Variants in COL19A1 observed in about 807,000 individuals in gnomAD.
COL19A1 encodes collagen type XIX alpha 1 chain, also known as collagen alpha-1(XIX) chain.
A neutral mutation model predicts 190.2 loss-of-function variants in COL19A1; 159 were observed. That is an observed-to-expected ratio of 0.84 (90% CI 0.73 to 0.95). The LOEUF (loss-of-function observed/expected upper bound fraction) is 0.95, where lower values mean the gene tolerates loss of function less well. COL19A1 is among the 40% of genes least tolerant of loss of function. The pLI, the probability that COL19A1 is intolerant of heterozygous loss-of-function variation, is 0.00. For missense variants in COL19A1, 1,418 were observed against 1,431.9 expected, an observed-to-expected ratio of 0.99 and a Z score of 0.16; for synonymous variants, 509 against 458.9, an observed-to-expected ratio of 1.11 and a Z score of -1.39.
chr6:70,111,417 T>A (rs1406370845), intron 16 of COL19A1, among the ~76,000 whole-genome samples: 2 of 152,194 alleles, frequency 1.3e-5, no homozygotes, highest in Non-Finnish European at 2.9e-5. Flanking sequence ...ATGTCTGTAA[T>A]GAATTCATTA....
chr6:69,994,625 A>G (rs1776799061), intron 11 of COL19A1, among the ~76,000 whole-genome samples: 1 of 152,180 alleles, frequency 6.6e-6, no homozygotes, highest in Non-Finnish European at 1.5e-5. Context: ...TATTGCAGAC[A>G]TTGCTATAAT....
At chr6:70,101,141 A>C (rs1783606328) in intron 15 of COL19A1, among the ~76,000 whole-genome samples, 2 of 152,108 alleles carry the variant, frequency 1.3e-5, no homozygotes, top group African/African-American at 4.8e-5. Flanking sequence ...GATCAACCTA[A>C]TATCTTTACT....
chr6:70,206,832 G>A, intron 49 of COL19A1, 69 bp from the exon 50 acceptor site: 1 of 1,319,196 alleles, frequency 7.6e-7, no homozygotes, highest in Non-Finnish European at 1.1e-6. Flanking sequence ...TCAGAAAATG[G>A]TTCTTCTCTG....
intron 47 of COL19A1, among the ~76,000 whole-genome samples, chr6:70,189,270 G>A (rs1164573078): frequency 6.6e-6 from 1 of 152,148 alleles, no homozygotes; most frequent in Non-Finnish European, 1.5e-5. Flanking sequence ...GGAATTTTCA[G>A]TGAAGAGCGA....
intron 11 of COL19A1, among the ~76,000 whole-genome samples, chr6:69,997,026 T>TAGAG (rs1554186399): frequency 7.5e-5 from 11 of 146,902 alleles, no homozygotes; most frequent in South Asian, 2.1e-4. Flanking sequence ...TATATATATA[T>TAGAG]AGAGAGAGAG....
intron 2 of COL19A1, among the ~76,000 whole-genome samples, chr6:69,883,821 A>C (rs755584335): frequency 7.9e-5 from 12 of 152,210 alleles, no homozygotes; most frequent in African/African-American, 2.4e-4. Flanking sequence ...GAGTATTAGC[A>C]GTATACACAG....
intron 17 of COL19A1, among the ~76,000 whole-genome samples, chr6:70,126,931 A>G (rs1328116244): frequency 6.6e-6 from 1 of 152,220 alleles, no homozygotes; most frequent in Non-Finnish European, 1.5e-5. Flanking sequence ...GTACCTTTTA[A>G]GTTTTCTATC....
At chr6:69,868,260 T>A (rs1486134276) in intron 1 of COL19A1, among the ~76,000 whole-genome samples, 1 of 151,304 alleles carries the variant, frequency 6.6e-6, no homozygotes, top group Non-Finnish European at 1.5e-5. Flanking sequence ...CATCTCCTTG[T>A]TTTTGAGTGG....
intron 16 of COL19A1, among the ~76,000 whole-genome samples, chr6:70,111,751 C>T (rs1784298238): frequency 6.6e-6 from 1 of 152,136 alleles, no homozygotes; most frequent in African/African-American, 2.4e-5. Flanking sequence ...TGGTGTTCAG[C>T]TGAGCCAAGA....
At chr6:70,088,664 TA>T (rs902774011) in intron 15 of COL19A1, among the ~76,000 whole-genome samples, 2 of 151,834 alleles carry the variant, frequency 1.3e-5, no homozygotes, top group South Asian at 2.1e-4. Flanking sequence ...TAAATAGCCT[TA>T]TTTTTTTGTG....
chr6:69,901,509 T>G (rs1427650120), intron 4 of COL19A1, among the ~76,000 whole-genome samples: 1 of 152,224 alleles, frequency 6.6e-6, no homozygotes, highest in East Asian at 1.9e-4. Flanking sequence ...TGGGTGGTTG[T>G]TAGGTGGGAC....
intron 15 of COL19A1, among the ~76,000 whole-genome samples, chr6:70,071,896 G>A (rs1037653786): frequency 6.6e-6 from 1 of 152,108 alleles, no homozygotes; most frequent in African/African-American, 2.4e-5. Context: ...GTAAGTGGAG[G>A]GATGCTGGAT....
At chr6:70,077,888 A>G (rs1358357119) in intron 15 of COL19A1, among the ~76,000 whole-genome samples, 1 of 151,622 alleles carries the variant, frequency 6.6e-6, no homozygotes, top group East Asian at 1.9e-4. Context: ...CATACAATGA[A>G]AAGAGCAAGA....
chr6:70,163,349 A>G lies in COL19A1; in HGVS notation c.2353A>G (p.Met785Val), dbSNP rs1787929485. The G allele has an allele frequency of 1.9e-6, 3 of 1,612,302 alleles. No homozygotes were observed. The highest frequency in any genetic ancestry group is 2.5e-6 in the Non-Finnish European group (3 of 1,179,126). ...TTAGTTTTGTGTTTTACAGGGCTTAATGGGAAGAACTGGACATCCTGGTCC... is the reference window on the plus strand; with the variant it reads ...TTAGTTTTGTGTTTTACAGGGCTTAGTGGGAAGAACTGGACATCCTGGTCC... ...APGPTGPPGL[M>V]GRTGHPGPTG... Residue 785 changes from methionine to valine, a missense_variant, in exon 36 of 51, where the codon ATG becomes GTG. By Grantham distance (21) the Met-to-Val change is conservative (BLOSUM62 1). Transcript: ENST00000620364.
intron 9 of COL19A1, among the ~76,000 whole-genome samples, chr6:69,956,619 A>G (rs553299196): frequency 7.2e-4 from 109 of 152,218 alleles, no homozygotes; most frequent in South Asian, 1.0e-3. Context: ...ATAGTCAGTA[A>G]TGTAGAGGTC....
intron 14 of COL19A1, among the ~76,000 whole-genome samples, chr6:70,065,240 A>G (rs376940999): frequency 6.6e-6 from 1 of 152,118 alleles, no homozygotes; most frequent in African/African-American, 2.4e-5. Flanking sequence ...AAACAGCATG[A>G]TACTGGTACC....
intron 16 of COL19A1, among the ~76,000 whole-genome samples, chr6:70,116,473 C>T (rs1784585139): frequency 6.6e-6 from 1 of 152,144 alleles, no homozygotes. Flanking sequence ...ACTGGGAATA[C>T]AAACATGTAC....
At chr6:69,971,029 T>C (rs969157435) in intron 11 of COL19A1, among the ~76,000 whole-genome samples, 1 of 152,156 alleles carries the variant, frequency 6.6e-6, no homozygotes, top group African/African-American at 2.4e-5. Context: ...ATTATTTTCC[T>C]AATTCCTTAC....
intron 27 of COL19A1, among the ~76,000 whole-genome samples, chr6:70,147,714 A>G (rs1343721789): frequency 2.0e-5 from 3 of 152,054 alleles, no homozygotes; most frequent in East Asian, 1.9e-4. Context: ...CTATTAGTCA[A>G]TTCATGTCTG....
Sources: allele counts gnomAD v4.1 joint callset (sites outside exome capture counted in the v4.1 genomes callset), GRCh38; gene constraint gnomAD v4.1.1; transcripts MANE v1.5; gene names NCBI Gene and HGNC (gene_info 2026-07-23, HGNC 2026-07-21).